Variants in ITSN1 observed in about 807,000 individuals in gnomAD.
ITSN1 encodes the protein intersectin-1.
In ITSN1, 58 loss-of-function variants were observed where a neutral mutation model predicts 239.8. That is an observed-to-expected ratio of 0.24 (90% CI 0.20 to 0.30). ITSN1 has a LOEUF of 0.30. Among genes scored for constraint, ITSN1 ranks in the 10% least tolerant of loss-of-function variants. The probability of loss-of-function intolerance (pLI) is 1.00; values close to 1 mark genes in which losing one functional copy is unlikely to be tolerated. For missense variants in ITSN1, 1,558 were observed against 2,103.3 expected, an observed-to-expected ratio of 0.74 and a Z score of 5.07; for synonymous variants, 780 against 770.8, an observed-to-expected ratio of 1.01 and a Z score of -0.20.
chr21:33,805,545 T>C (rs949272600), intron 20 of ITSN1, among the ~76,000 whole-genome samples: 1 of 152,140 alleles, frequency 6.6e-6, no homozygotes. Flanking sequence ...TATAATAAAG[T>C]TTTATTGGAA....
Position 33,885,459 on chromosome 21 carries a change from G to A in ITSN1, c.4780G>A (p.Gly1594Ser), listed in dbSNP as rs755631618. 15 of 1,614,158 alleles carry A rather than the reference G, an allele frequency of 9.3e-6. No homozygotes were observed. The highest frequency in any genetic ancestry group is 4.4e-5 in the South Asian group (4 of 91,078). The change falls in exon 38 of 40, where the codon GGC becomes AGC. Residue 1594 changes from glycine to serine, a missense_variant. By Grantham distance (56) the Gly-to-Ser change is moderately conservative. This residue lies in a region of ITSN1 where 576 missense variants were observed against 893.3 expected (regional missense o/e 0.64). Transcript: ENST00000381318. ...AYLVRSQRATGIGRLMVNVVE... is the reference protein window; with the variant it reads ...AYLVRSQRATSIGRLMVNVVE... ...CATAGTCCGTTCCCAAAGGGCAACA[G>A]GCATTGGAAGGTTGATGGTGAACGT...
At chr21:33,679,062 A>C (rs2090770763) in intron 1 of ITSN1, among the ~76,000 whole-genome samples, 2 of 152,314 alleles carry the variant, frequency 1.3e-5, no homozygotes, top group African/African-American at 4.8e-5. Flanking sequence ...TTACATGTTG[A>C]ATTACCTACC....
At chr21:33,778,724 G>A (rs1301077915) in intron 14 of ITSN1, among the ~76,000 whole-genome samples, 13 of 144,156 alleles carry the variant, frequency 9.0e-5, no homozygotes, top group East Asian at 3.9e-4. Flanking sequence ...GACTACAGGC[G>A]CCCGCCACTA....
intron 1 of ITSN1, among the ~76,000 whole-genome samples, chr21:33,668,464 A>G (rs2090060977): frequency 6.6e-6 from 1 of 152,190 alleles, no homozygotes; most frequent in South Asian, 2.1e-4. Context: ...CTGGGGCTGA[A>G]GGACATCCCC....
At chr21:33,687,609 A>G (rs1568939004) in intron 1 of ITSN1, among the ~76,000 whole-genome samples, 1 of 152,108 alleles carries the variant, frequency 6.6e-6, no homozygotes, top group Non-Finnish European at 1.5e-5. Flanking sequence ...TGACCTACTC[A>G]AACATGTTAA....
intron 7 of ITSN1, among the ~76,000 whole-genome samples, chr21:33,754,418 T>C (rs1395212707): frequency 1.3e-5 from 2 of 152,216 alleles, no homozygotes; most frequent in Admixed American, 6.5e-5. Context: ...TGAATAGATA[T>C]TTTTGTTGAA....
Position 33,898,502 on chromosome 21 carries a change from C to T in ITSN1, c.*10202C>T, listed in dbSNP as rs1477684564. ...CTGTACTTGGCCACCAGAAGTGCCC[C>T]TTAGGCCACCTAAGGAGGATTCTGT... On this transcript the variant is annotated 3_prime_UTR_variant, in exon 40 of 40. Coordinates refer to ENST00000381318, the MANE Select transcript of ITSN1 (RefSeq NM_003024.3). 6.6e-6 allele frequency: 1 copy of T among 152,188 alleles called. No individual in the cohort carries two copies. The highest frequency in any genetic ancestry group is 2.4e-5 in the African/African-American group (1 of 41,440). The allele number at this position is 152,188 out of a possible 1,614,324, so 9.4% of individuals were successfully genotyped here.
At chr21:33,662,600 C>T (rs1231607059) in intron 1 of ITSN1, among the ~76,000 whole-genome samples, 1 of 152,136 alleles carries the variant, frequency 6.6e-6, no homozygotes, top group Non-Finnish European at 1.5e-5. Flanking sequence ...TTTTCCTAAT[C>T]AGGAAGGTTT....
intron 1 of ITSN1, among the ~76,000 whole-genome samples, chr21:33,672,493 T>TCC (rs1232839132): frequency 6.6e-6 from 1 of 152,148 alleles, no homozygotes; most frequent in African/African-American, 2.4e-5. Flanking sequence ...TTGGCCAGGA[T>TCC]ATGAAGAAAA....
At chr21:33,709,898 T>C (rs1440326446) in intron 1 of ITSN1, among the ~76,000 whole-genome samples, 1 of 152,062 alleles carries the variant, frequency 6.6e-6, no homozygotes, top group African/African-American at 2.4e-5. Flanking sequence ...TTGAGTAATC[T>C]CCATATCAGT....
chr21:33,759,281 T>TA (rs2068127837), intron 8 of ITSN1, among the ~76,000 whole-genome samples: 3 of 152,234 alleles, frequency 2.0e-5, no homozygotes, highest in Admixed American at 2.0e-4. Flanking sequence ...CAATCCCTGT[T>TA]GTAGATTATT....
intron 21 of ITSN1, 97 bp from the exon 22 acceptor site, chr21:33,813,816 G>A (rs182026238): frequency 2.8e-6 from 3 of 1,059,736 alleles, no homozygotes; most frequent in Admixed American, 5.2e-5. Context: ...ATATTAGGGA[G>A]TGCTTGCTTT....
intron 1 of ITSN1, among the ~76,000 whole-genome samples, chr21:33,648,718 C>T (rs1345796780): frequency 6.6e-6 from 1 of 152,112 alleles, no homozygotes; most frequent in Admixed American, 6.5e-5. Context: ...TGATGCCCAC[C>T]TGTAGTCCTA....
chr21:33,864,901 A>C (rs1602640268), intron 31 of ITSN1, among the ~76,000 whole-genome samples: 1 of 152,006 alleles, frequency 6.6e-6, no homozygotes, highest in Non-Finnish European at 1.5e-5. Context: ...CAAGAAAAAA[A>C]CTCCATATTT....
At chr21:33,851,056 C>T (rs1253863309) in intron 29 of ITSN1, among the ~76,000 whole-genome samples, 1 of 152,200 alleles carries the variant, frequency 6.6e-6, no homozygotes, top group African/African-American at 2.4e-5. Flanking sequence ...AGATGAAAGC[C>T]ATCGCCCGGG....
At chr21:33,885,395 G>A (rs1985620349) in intron 37 of ITSN1, 44 bp from the exon 38 acceptor site, 5 of 1,535,422 alleles carry the variant, frequency 3.3e-6, no homozygotes, top group Admixed American at 1.7e-5. Context: ...GGAAAGGTGT[G>A]GCACGTTCAA....
chr21:33,816,861 C>T (rs1452972044), intron 22 of ITSN1, among the ~76,000 whole-genome samples: 1 of 151,998 alleles, frequency 6.6e-6, no homozygotes. Flanking sequence ...CTCTGAGGGA[C>T]TTGAAGGAGT....
intron 29 of ITSN1, among the ~76,000 whole-genome samples, chr21:33,841,781 A>G (rs957047241): frequency 1.3e-5 from 2 of 152,302 alleles, no homozygotes; most frequent in Admixed American, 6.5e-5. Flanking sequence ...TGGAAATGAC[A>G]TTGGATGCCA....
intron 29 of ITSN1, among the ~76,000 whole-genome samples, chr21:33,850,973 G>C (rs796151185): frequency 1.3e-5 from 2 of 152,138 alleles, no homozygotes; most frequent in African/African-American, 2.4e-5. Context: ...CTGCTGATCC[G>C]GGGCCATTGA....
Sources: allele counts gnomAD v4.1 joint callset (sites outside exome capture counted in the v4.1 genomes callset), GRCh38; gene constraint gnomAD v4.1.1; regional missense constraint gnomAD v4.1.1; transcripts MANE v1.5; gene names NCBI Gene and HGNC (gene_info 2026-07-23, HGNC 2026-07-21).